Variants in RB1CC1 observed in about 807,000 individuals in gnomAD.
RB1CC1 encodes the protein RB1 inducible coiled-coil 1.
A neutral mutation model predicts 177.5 loss-of-function variants in RB1CC1; 46 were observed. The observed-to-expected ratio is 0.26, with a 90% CI of 0.20 to 0.33. The LOEUF (loss-of-function observed/expected upper bound fraction) is 0.33, where lower values mean the gene tolerates loss of function less well. Ranked by LOEUF, RB1CC1 falls within the 10% of genes least tolerant of loss-of-function variation. The probability of loss-of-function intolerance (pLI) is 1.00; values close to 1 mark genes in which losing one functional copy is unlikely to be tolerated. For missense variants in RB1CC1, 1,703 were observed against 1,816.3 expected, an observed-to-expected ratio of 0.94 and a Z score of 1.13; for synonymous variants, 666 against 613.6, an observed-to-expected ratio of 1.09 and a Z score of -1.26.
chr8:52,623,651 T>C lies in RB1CC1; in HGVS notation c.*131A>G, dbSNP rs1476227904. 5.7e-6 allele frequency: 4 copies of C among 700,472 alleles called. No individual in the cohort carries two copies. Among genetic ancestry groups the C allele is most frequent in the Non-Finnish European group, 7.9e-6 (3 of 379,222 alleles). 43.4% of individuals were successfully genotyped at this position (700,472 alleles called of 1,614,324 possible). A position where few individuals can be genotyped will look rare whatever the true frequency, so the allele number is the denominator to read the frequency against. ...GAAGCCAGTTAAAAAGTAAACGATG[T>C]ACACCAGTGAAGTATATTGTCACGC... On this transcript the variant is annotated 3_prime_UTR_variant, in exon 24 of 24. Transcript: ENST00000025008.
chr8:52,661,374 GA>G, intron 9 of RB1CC1, 93 bp from the exon 10 acceptor site: 1 of 1,509,128 alleles, frequency 6.6e-7, no homozygotes, highest in Non-Finnish European at 9.0e-7. Context: ...TTAAGCCAAA[GA>G]AATCAAGATA....
intron 1 of RB1CC1, among the ~76,000 whole-genome samples, chr8:52,695,290 T>C (rs536983074): frequency 2.8e-4 from 42 of 152,348 alleles, no homozygotes; most frequent in African/African-American, 8.2e-4. Flanking sequence ...CATAGCTCCA[T>C]TGAAAAGAAG....
At chr8:52,708,304 A>T (rs1856761942) in intron 1 of RB1CC1, among the ~76,000 whole-genome samples, 2 of 151,928 alleles carry the variant, frequency 1.3e-5, no homozygotes, top group South Asian at 4.1e-4. Context: ...ATCACAAGGT[A>T]AGGAGATCGA....
At chr8:52,626,464 C>T (rs1157329142) in intron 22 of RB1CC1, among the ~76,000 whole-genome samples, 2 of 152,046 alleles carry the variant, frequency 1.3e-5, no homozygotes, top group African/African-American at 4.8e-5. Context: ...AGTGTGCACA[C>T]ATTTGTGTAT....
At chr8:52,666,599 T>C (rs1852091236) in intron 8 of RB1CC1, among the ~76,000 whole-genome samples, 2 of 151,598 alleles carry the variant, frequency 1.3e-5, no homozygotes, top group Admixed American at 6.6e-5. Flanking sequence ...AGTGAACAGA[T>C]ACAGACTTTT....
chr8:52,692,165 A>T (rs955946978), intron 1 of RB1CC1, among the ~76,000 whole-genome samples: 1 of 152,228 alleles, frequency 6.6e-6, no homozygotes, highest in Non-Finnish European at 1.5e-5. Flanking sequence ...CAATAAAAAT[A>T]TCACCTGAGA....
At chr8:52,664,368 A>AT (rs1851881796) in intron 8 of RB1CC1, among the ~76,000 whole-genome samples, 1 of 152,186 alleles carries the variant, frequency 6.6e-6, no homozygotes, top group Non-Finnish European at 1.5e-5. Context: ...GTACCAAAAA[A>AT]TATCCATTGG....
intron 8 of RB1CC1, among the ~76,000 whole-genome samples, chr8:52,664,673 A>T (rs1591018421): frequency 1.3e-5 from 2 of 152,324 alleles, no homozygotes; most frequent in Admixed American, 1.3e-4. Flanking sequence ...TTCAGTTTGG[A>T]TTCAGGGAGG....
intron 18 of RB1CC1, among the ~76,000 whole-genome samples, chr8:52,638,261 T>A (rs1022236609): frequency 6.6e-6 from 1 of 152,228 alleles, no homozygotes; most frequent in Non-Finnish European, 1.5e-5. Flanking sequence ...TGTCCTTTCA[T>A]TCTACTGATA....
chr8:52,694,885 C>T (rs1219980734), intron 1 of RB1CC1, among the ~76,000 whole-genome samples: 1 of 152,190 alleles, frequency 6.6e-6, no homozygotes, highest in African/African-American at 2.4e-5. Flanking sequence ...CCATACCTGC[C>T]ACCCATCATT....
intron 1 of RB1CC1, among the ~76,000 whole-genome samples, chr8:52,704,129 G>A (rs1856345604): frequency 1.3e-5 from 2 of 152,004 alleles, no homozygotes; most frequent in Non-Finnish European, 2.9e-5. Flanking sequence ...TAAGAGATCT[G>A]GTTTTTAGTC....
intron 4 of RB1CC1, 39 bp from the exon 5 acceptor site, chr8:52,683,758 T>G: frequency 6.4e-7 from 1 of 1,558,132 alleles, no homozygotes; most frequent in Non-Finnish European, 8.7e-7. Flanking sequence ...CAAAATAAAA[T>G]GTTATAAATA....
chr8:52,691,847 T>C (rs1250667975), intron 1 of RB1CC1, among the ~76,000 whole-genome samples: 4 of 152,178 alleles, frequency 2.6e-5, no homozygotes, highest in East Asian at 1.9e-4. Flanking sequence ...GTGACGCTCA[T>C]TGCTTTCACG....
intron 8 of RB1CC1, among the ~76,000 whole-genome samples, chr8:52,666,982 C>G (rs1459006497): frequency 1.1e-4 from 17 of 152,054 alleles, no homozygotes; most frequent in Admixed American, 1.1e-3. Flanking sequence ...AGATTTTTCC[C>G]AAATGGTATA....
chr8:52,668,273 T>TAA (rs112970873), intron 7 of RB1CC1, 82 bp from the exon 8 acceptor site: 84 of 1,465,284 alleles, frequency 5.7e-5, no homozygotes, highest in African/African-American at 4.2e-4. Flanking sequence ...ACATACAGCT[T>TAA]GAGAGAAAAT....
chr8:52,680,377 C>T (rs574833386), intron 5 of RB1CC1, among the ~76,000 whole-genome samples: 1 of 152,156 alleles, frequency 6.6e-6, no homozygotes, highest in East Asian at 1.9e-4. Flanking sequence ...CAAGCTTTAA[C>T]AACCAAGACA....
intron 6 of RB1CC1, among the ~76,000 whole-genome samples, chr8:52,675,786 C>T (rs2150563787): frequency 6.7e-6 from 1 of 148,220 alleles, no homozygotes; most frequent in African/African-American, 2.5e-5. Context: ...ACTTGGGAGG[C>T]TGAGGCAGAA....
intron 1 of RB1CC1, among the ~76,000 whole-genome samples, chr8:52,692,443 C>A (rs1027597363): frequency 1.3e-5 from 2 of 152,026 alleles, no homozygotes; most frequent in South Asian, 4.1e-4. Context: ...CAATAGCTTC[C>A]ATTGACTGGA....
At chr8:52,691,578 T>G (rs1473191015) in intron 1 of RB1CC1, among the ~76,000 whole-genome samples, 1 of 152,228 alleles carries the variant, frequency 6.6e-6, no homozygotes, top group East Asian at 1.9e-4. Context: ...AACCTAAAAT[T>G]TGACTCCAGT....
Sources: gnomAD v4.1 joint callset for allele counts (sites outside exome capture counted in the v4.1 genomes callset) on GRCh38, gnomAD v4.1.1 for gene constraint, MANE v1.5 for transcripts, NCBI Gene and HGNC (gene_info 2026-07-23, HGNC 2026-07-21) for gene names.